RNF13: variants seen among roughly 807,000 people sequenced by gnomAD.
RNF13 encodes the protein E3 ubiquitin-protein ligase RNF13.
A neutral mutation model predicts 37.7 loss-of-function variants in RNF13; 19 were observed. That is an observed-to-expected ratio of 0.50 (90% CI 0.35 to 0.74). RNF13 has a LOEUF of 0.74. RNF13 is among the 30% of genes least tolerant of loss of function. RNF13 has a pLI of 0.01. For synonymous variants in RNF13, 144 were observed against 157.8 expected (o/e 0.91, Z 0.65); for missense variants, 375 against 453.0 (o/e 0.83, Z 1.56).
intron 6 of RNF13, 116 bp from the exon 7 acceptor site, chr3:149,911,862 G>A (rs1717028873): frequency 1.6e-6 from 1 of 642,148 alleles, no homozygotes; most frequent in Admixed American, 2.8e-5. Flanking sequence ...TGTATGTAGT[G>A]GATTTAATTG....
At chr3:149,841,642 C>T (rs1722189709) in intron 1 of RNF13, among the ~76,000 whole-genome samples, 2 of 151,994 alleles carry the variant, frequency 1.3e-5, no homozygotes, top group Admixed American at 1.3e-4. Flanking sequence ...TTTTTTGAGA[C>T]AGAGTCCTGC....
intron 5 of RNF13, among the ~76,000 whole-genome samples, chr3:149,900,344 A>G (rs1177054496): frequency 6.6e-6 from 1 of 152,208 alleles, no homozygotes; most frequent in Non-Finnish European, 1.5e-5. Flanking sequence ...CATATGTGGT[A>G]GAGAAAATAT....
chr3:149,858,694 A>G (rs1316342725), intron 3 of RNF13, among the ~76,000 whole-genome samples: 3 of 152,214 alleles, frequency 2.0e-5, no homozygotes, highest in African/African-American at 7.2e-5. Context: ...TGGGATGCGG[A>G]TTTGTCCTAG....
At chr3:149,947,986 G>C (rs1720941975) in intron 8 of RNF13, among the ~76,000 whole-genome samples, 1 of 152,022 alleles carries the variant, frequency 6.6e-6, no homozygotes, top group Non-Finnish European at 1.5e-5. Flanking sequence ...GTCTTGCTCT[G>C]TCACCCAGGC....
At chr3:149,900,984 AAC>A (rs937363768) in intron 5 of RNF13, among the ~76,000 whole-genome samples, 5 of 152,304 alleles carry the variant, frequency 3.3e-5, no homozygotes, top group Admixed American at 3.3e-4. Flanking sequence ...TGAAAACAAT[AAC>A]AGCAAAATAG....
At chr3:149,827,029 A>T (rs756053685) in intron 1 of RNF13, among the ~76,000 whole-genome samples, 27 of 152,192 alleles carry the variant, frequency 1.8e-4, no homozygotes, top group Admixed American at 5.9e-4. Flanking sequence ...GAGTGCTGGG[A>T]TTACAGGCAT....
intron 2 of RNF13, among the ~76,000 whole-genome samples, chr3:149,850,277 G>T (rs1192486566): frequency 6.6e-6 from 1 of 152,140 alleles, no homozygotes; most frequent in Non-Finnish European, 1.5e-5. Context: ...ACCACATCCG[G>T]CCTACTACTT....
intron 1 of RNF13, among the ~76,000 whole-genome samples, chr3:149,823,547 A>G (rs1720198980): frequency 6.6e-6 from 1 of 152,214 alleles, no homozygotes; most frequent in African/African-American, 2.4e-5. Context: ...CCAAGAAGAT[A>G]ATCAGAAGTA....
At chr3:149,899,849 T>A (rs545909670) in intron 5 of RNF13, among the ~76,000 whole-genome samples, 1 of 152,304 alleles carries the variant, frequency 6.6e-6, no homozygotes, top group South Asian at 2.1e-4. Flanking sequence ...AAAAGAGACA[T>A]TCAGAGTTCA....
intron 8 of RNF13, among the ~76,000 whole-genome samples, chr3:149,940,771 T>G (rs944260766): frequency 1.3e-5 from 2 of 152,196 alleles, no homozygotes; most frequent in African/African-American, 2.4e-5. Context: ...ATATTTACAT[T>G]ATTGTGCAAC....
chr3:149,859,663 T>C (rs982247982), intron 3 of RNF13, among the ~76,000 whole-genome samples: 23 of 152,038 alleles, frequency 1.5e-4, no homozygotes, highest in Admixed American at 1.5e-3. Flanking sequence ...TAATTTTTTA[T>C]TCTTCTGCTC....
rs190044898 is a variant in RNF13 at position 149,888,839 on chromosome 3, C to T, written c.322-6634C>T. Among the ~76,000 whole-genome samples, 45 of 152,222 alleles carry T rather than the reference C, an allele frequency of 3.0e-4. No individual in the cohort carries two copies. In the East Asian group the frequency reaches 6.2e-3, roughly 21 times the overall value. The stretch of plus-strand genomic sequence containing the variant: ...AGAAACAATGAAGTACACTTAACTT[C>T]GTTCATATATAGAAGTTAAAGAGGA... On this transcript the variant is annotated intron_variant, in intron 4 of 9. Coordinates refer to ENST00000392894, the MANE Select transcript of RNF13 (RefSeq NM_183381.3).
Position 149,864,538 on chromosome 3 carries a change from T to G in RNF13, c.196-7491T>G, listed in dbSNP as rs564221314. On this transcript the variant is annotated intron_variant, in intron 3 of 9. Transcript: ENST00000392894. ...AGGCATTGTCCTCCAGAGCGCACAT[T>G]CATTTTGTTTTCTAAAATGTCAAGG... Among the ~76,000 whole-genome samples, 3 of 152,300 alleles carry G rather than the reference T, an allele frequency of 2.0e-5. No homozygotes were observed. The South Asian group carries it at 6.2e-4, about 32-fold the overall frequency.
chr3:149,935,592 C>T (rs1576562574), intron 8 of RNF13, among the ~76,000 whole-genome samples: 1 of 152,140 alleles, frequency 6.6e-6, no homozygotes, highest in African/African-American at 2.4e-5. Flanking sequence ...TTACAAAAAA[C>T]ATCTTATAAG....
intron 4 of RNF13, among the ~76,000 whole-genome samples, chr3:149,883,703 A>G (rs1182074308): frequency 4.0e-5 from 6 of 149,222 alleles, no homozygotes; most frequent in East Asian, 1.9e-4. Context: ...TTTTTTTTCA[A>G]CTTTCATTTT....
intron 6 of RNF13, among the ~76,000 whole-genome samples, chr3:149,903,933 G>GTCTC (rs778683638): frequency 1.4e-5 from 2 of 141,226 alleles, no homozygotes; most frequent in African/African-American, 5.2e-5. Context: ...CTATATATCT[G>GTCTC]TCTATCTGTC....
At chr3:149,897,248 A>G (rs1413229869) in intron 5 of RNF13, among the ~76,000 whole-genome samples, 1 of 152,058 alleles carries the variant, frequency 6.6e-6, no homozygotes, top group Non-Finnish European at 1.5e-5. Context: ...CAAGTTACTT[A>G]CTCTTTGTGT....
chr3:149,890,741 T>C (rs1027600368), intron 4 of RNF13, among the ~76,000 whole-genome samples: 1 of 152,228 alleles, frequency 6.6e-6, no homozygotes, highest in South Asian at 2.1e-4. Context: ...ATGTGTCTTT[T>C]AAGATACCAT....
chr3:149,853,463 A>AGG (rs781728282), intron 3 of RNF13, among the ~76,000 whole-genome samples: 3,923 of 97,174 alleles, frequency 0.04, 69 homozygotes, highest in South Asian at 0.055. Flanking sequence ...AGGGAGAGAG[A>AGG]GAGAGAGAGA....
Sources: gnomAD v4.1 joint callset for allele counts (sites outside exome capture counted in the v4.1 genomes callset) on GRCh38, gnomAD v4.1.1 for gene constraint, MANE v1.5 for transcripts, NCBI Gene and HGNC (gene_info 2026-07-23, HGNC 2026-07-21) for gene names.